UBE2O: variants seen among roughly 807,000 people sequenced by gnomAD.
UBE2O encodes the protein (E3-independent) E2 ubiquitin-conjugating enzyme.
A neutral mutation model predicts 125.8 loss-of-function variants in UBE2O; 15 were observed. The ratio of observed to expected loss-of-function variants is 0.12; its 90% CI spans 0.08 to 0.18. The LOEUF is 0.18. Ranked by LOEUF, UBE2O falls within the 10% of genes least tolerant of loss-of-function variation. UBE2O has a pLI of 1.00. For synonymous variants in UBE2O, 708 were observed against 703.2 expected (o/e 1.01, Z -0.11); for missense variants, 1,280 against 1,723.6 (o/e 0.74, Z 4.56).
intron 1 of UBE2O, among the ~76,000 whole-genome samples, chr17:76,443,840 G>T (rs760831407): frequency 1.3e-5 from 2 of 152,150 alleles, no homozygotes; most frequent in Non-Finnish European, 2.9e-5. Context: ...CACATCTATG[G>T]GTAAGAGGAA....
At chr17:76,445,938 T>C (rs1433953843) in intron 1 of UBE2O, among the ~76,000 whole-genome samples, 3 of 152,072 alleles carry the variant, frequency 2.0e-5, no homozygotes, top group Non-Finnish European at 4.4e-5. Flanking sequence ...ACCATGACCT[T>C]CTCCAGGACT....
intron 1 of UBE2O, among the ~76,000 whole-genome samples, chr17:76,429,228 T>C (rs1402559521): frequency 1.3e-5 from 2 of 151,786 alleles, no homozygotes; most frequent in Non-Finnish European, 2.9e-5. Flanking sequence ...CAACTTCCTA[T>C]GCATCTATAA....
rs2072500669 is a variant in UBE2O, at chr17:76,410,684, C to T, written c.418-5112G>A. 3.9e-5 allele frequency among the ~76,000 whole-genome samples: 6 copies of T among 152,108 alleles called. No homozygotes were observed. In the South Asian group the frequency reaches 1.2e-3, roughly 32 times the overall value. On this transcript the variant is annotated intron_variant, in intron 1 of 17. Coordinates refer to ENST00000319380, the MANE Select transcript of UBE2O (RefSeq NM_022066.4). The surrounding 1 kb of genome is among the most constrained non-coding windows in gnomAD (Gnocchi z 4.0). ...CTTCTGTTGTGCCCCATTTGAGCTC[C>T]CCGAAGCTATGCTGGGGGCCACTCA...
intron 1 of UBE2O, among the ~76,000 whole-genome samples, chr17:76,407,316 C>T (rs551867812): frequency 2.6e-5 from 4 of 152,334 alleles, no homozygotes; most frequent in East Asian, 3.9e-4. Flanking sequence ...GCTGGCGTGA[C>T]GGTGCCACTT....
chr17:76,406,011 G>A (rs531608103), intron 1 of UBE2O, among the ~76,000 whole-genome samples: 1 of 152,362 alleles, frequency 6.6e-6, no homozygotes, highest in East Asian at 1.9e-4. Flanking sequence ...AGTGGGCTGG[G>A]GGAGAAGCAG....
chr17:76,404,342 C>A lies in UBE2O; in HGVS notation c.588+864G>T, dbSNP rs1045207634. Among the ~76,000 whole-genome samples, 1 of 152,152 alleles carries A rather than the reference C, an allele frequency of 6.6e-6. No homozygotes were observed. Among genetic ancestry groups the A allele is most frequent in the African/African-American group, 2.4e-5 (1 of 41,424 alleles). On this transcript the variant is annotated intron_variant, in intron 3 of 17. Coordinates refer to ENST00000319380, the MANE Select transcript of UBE2O (RefSeq NM_022066.4). This position sits in a 1 kb window ranked among gnomAD's most constrained non-coding sequence, Gnocchi z 4.3. ...ACTTTGGCTATGGGGTACCATGAACCAGGGCAGAGCTCTGCGGCGGGCCTG... is the reference window on the plus strand; with the variant it reads ...ACTTTGGCTATGGGGTACCATGAACAAGGGCAGAGCTCTGCGGCGGGCCTG...
chr17:76,400,478 G>A lies in UBE2O; in HGVS notation c.967C>T (p.Pro323Ser). ...FCPGGTDSVS[P>S]PPSVITQENL... ...TCCTGGGTGATGACAGAGGGTGGGG[G>A]GCTGACGCTGTCCGTGCCCCCTGGA... is the stretch of plus-strand genomic sequence containing the variant. Residue 323 changes from proline (P) to serine (S), a missense_variant, in exon 7 of 18, where the codon CCC becomes TCC. Coordinates refer to ENST00000319380, the MANE Select transcript of UBE2O (RefSeq NM_022066.4). The surrounding 1 kb of genome is among the most constrained non-coding windows in gnomAD (Gnocchi z 4.3). 6.2e-7 allele frequency: 1 copy of A among 1,613,236 alleles called. No homozygotes were observed. Among genetic ancestry groups the A allele is most frequent in the South Asian group, 1.1e-5 (1 of 90,954 alleles).
At position 76,398,226 on chromosome 17, in the gene UBE2O, C is replaced by A. The variant is rs200678618; in HGVS notation, c.2025+29G>T. 1.7e-5 allele frequency: 27 copies of A among 1,613,826 alleles called. No homozygotes were observed. In the South Asian group the frequency reaches 2.9e-4, roughly 17 times the overall value. ...AGCTGGTGCACAGGGCAGTGAGCAG[C>A]CATCCAGAACTTGAATTTGAAGGCG... On this transcript the variant is annotated intron_variant, in intron 12 of 17. Coordinates refer to ENST00000319380, the MANE Select transcript of UBE2O (RefSeq NM_022066.4). This position sits in a 1 kb window ranked among gnomAD's most constrained non-coding sequence, Gnocchi z 5.4.
chr17:76,423,470 G>A (rs1429603705), intron 1 of UBE2O, among the ~76,000 whole-genome samples: 1 of 152,050 alleles, frequency 6.6e-6, no homozygotes, highest in African/African-American at 2.4e-5. Flanking sequence ...GAGGTGGGAG[G>A]ATCATGAGGT....
At position 76,452,694 on chromosome 17, in the gene UBE2O, G is replaced by T. The variant is rs986946456; in HGVS notation, c.417+31C>A. On this transcript the variant is annotated intron_variant, in intron 1 of 17. Coordinates refer to ENST00000319380, the MANE Select transcript of UBE2O (RefSeq NM_022066.4). This position sits in a 1 kb window ranked among gnomAD's most constrained non-coding sequence, Gnocchi z 4.4. ...TCGGCCCGGCCGCCGACCCCCTGCC[G>T]CCCGCGCCGCCCAGCCCCCGCCCGC... 1.5e-6 allele frequency: 2 copies of T among 1,350,556 alleles called. No homozygotes were observed. Among genetic ancestry groups the T allele is most frequent in the African/African-American group, 3.1e-5 (2 of 65,014 alleles). The allele number at this position is 1,350,556 out of a possible 1,614,324, so 83.7% of individuals were successfully genotyped here.
In UBE2O at chr17:76,401,104, A is replaced by C. The variant is rs200976427; in HGVS notation, c.801T>G (p.Ile267Met). 2.5e-6 allele frequency: 4 copies of C among 1,613,878 alleles called. No individual in the cohort carries two copies. Among genetic ancestry groups the C allele is most frequent in the South Asian group, 1.1e-5 (1 of 91,092 alleles). The change falls in exon 6 of 18, where the codon ATT becomes ATG. Residue 267 changes from isoleucine to methionine, a missense_variant. Coordinates refer to ENST00000319380, the MANE Select transcript of UBE2O (RefSeq NM_022066.4). Reference protein sequence around the residue: ...SYGFYPGQVLIGPAKIFSSVQ... With the variant: ...SYGFYPGQVLMGPAKIFSSVQ... ...CGCTGGAGAAGATCTTGGCAGGGCC[A>C]ATGAGCACCTGGCCTGGGTAGAAGC...
chr17:76,396,870 C>T lies in UBE2O; in HGVS notation c.2116-49G>A. The T allele has an allele frequency of 1.3e-6, 2 of 1,497,748 alleles. No homozygotes were observed. Among genetic ancestry groups the T allele is most frequent in the Non-Finnish European group, 1.8e-6 (2 of 1,108,124 alleles). The allele number at this position is 1,497,748 out of a possible 1,614,324, so 92.8% of individuals were successfully genotyped here. On this transcript the variant is annotated intron_variant, in intron 13 of 17. Transcript: ENST00000319380. The surrounding 1 kb of genome is among the most constrained non-coding windows in gnomAD (Gnocchi z 6.7). Reference sequence around the variant, plus strand: ...GGGTAAGCAGACAGGAAGTCACCTCCCCACCACTAAGGAGGAGCTCTGGGG... The same window carrying T: ...GGGTAAGCAGACAGGAAGTCACCTCTCCACCACTAAGGAGGAGCTCTGGGG...
chr17:76,447,941 A>G (rs1271434147), intron 1 of UBE2O, among the ~76,000 whole-genome samples: 2 of 152,134 alleles, frequency 1.3e-5, no homozygotes, highest in Non-Finnish European at 2.9e-5. Flanking sequence ...ACCCAGCTAC[A>G]CTTCTGGTTA....
Position 76,391,631 on chromosome 17 carries a change from C to G in UBE2O, c.3209-18G>C. The G allele has an allele frequency of 6.2e-7, 1 of 1,604,834 alleles. No individual in the cohort carries two copies. Among genetic ancestry groups the G allele is most frequent in the Middle Eastern group, 1.7e-4 (1 of 6,024 alleles). On this transcript the variant is annotated intron_variant, in intron 17 of 17. Coordinates refer to ENST00000319380, the MANE Select transcript of UBE2O (RefSeq NM_022066.4). This position sits in a 1 kb window ranked among gnomAD's most constrained non-coding sequence, Gnocchi z 8.4. ...GATCAGACCTGTGTGGGCGGGACACCTTCCCTCAGTGGGTGAGAGAGGCCC... is the reference window on the plus strand; with the variant it reads ...GATCAGACCTGTGTGGGCGGGACACGTTCCCTCAGTGGGTGAGAGAGGCCC...
Position 76,402,471 on chromosome 17 carries a change from G to C in UBE2O, c.686+131C>G. 1 of 797,870 alleles carries C rather than the reference G, an allele frequency of 1.3e-6. No individual in the cohort carries two copies. Among genetic ancestry groups the C allele is most frequent in the South Asian group, 1.5e-5 (1 of 65,326 alleles). 49.4% of individuals were successfully genotyped at this position (797,870 alleles called of 1,614,324 possible). On this transcript the variant is annotated intron_variant, in intron 4 of 17. Coordinates refer to ENST00000319380, the MANE Select transcript of UBE2O (RefSeq NM_022066.4). This position sits in a 1 kb window ranked among gnomAD's most constrained non-coding sequence, Gnocchi z 5.4. ...AACGGTACAGGGTTAGGCCCTGGAT[G>C]CCTGCAACATCTGTCACTGCCCTTG...
chr17:76,426,195 G>C (rs1379070089), intron 1 of UBE2O, among the ~76,000 whole-genome samples: 2 of 152,152 alleles, frequency 1.3e-5, no homozygotes, highest in Non-Finnish European at 1.5e-5. Context: ...GTAGAGACAG[G>C]GTTTTGCCAT....
intron 1 of UBE2O, among the ~76,000 whole-genome samples, chr17:76,421,984 G>C (rs909653959): frequency 1.6e-4 from 24 of 152,196 alleles, no homozygotes; most frequent in Non-Finnish European, 2.4e-4. Context: ...ACAAATCCCA[G>C]GTGGAGGAAA....
chr17:76,392,949 CA>C (rs549630873), intron 15 of UBE2O, among the ~76,000 whole-genome samples: 380 of 134,230 alleles, frequency 2.8e-3, no homozygotes, highest in Admixed American at 2.9e-3. Context: ...GACGCTATCT[CA>C]AAAAAAAAAA....
chr17:76,434,522 G>A (rs1262046958), intron 1 of UBE2O, among the ~76,000 whole-genome samples: 1 of 152,104 alleles, frequency 6.6e-6, no homozygotes, highest in East Asian at 1.9e-4. Flanking sequence ...GGAATCACAT[G>A]AAGAAAAAAG....
Sources: allele counts gnomAD v4.1 joint callset (sites outside exome capture counted in the v4.1 genomes callset), GRCh38; gene constraint gnomAD v4.1.1; non-coding constraint Gnocchi (gnomAD v3.1); transcripts MANE v1.5; gene names NCBI Gene and HGNC (gene_info 2026-07-23, HGNC 2026-07-21).